SLC4A8: variants seen among roughly 807,000 people sequenced by gnomAD.
SLC4A8 encodes solute carrier family 4 member 8, also known as electroneutral sodium bicarbonate exchanger 1.
Under a neutral mutation model 125.0 loss-of-function variants are expected in SLC4A8, and 40 were observed. The observed-to-expected ratio is 0.32, with a 90% CI of 0.25 to 0.42. SLC4A8 has a LOEUF of 0.42. SLC4A8 is among the 10% of genes least tolerant of loss of function. SLC4A8 has a pLI of 1.00. For missense variants in SLC4A8, 863 were observed against 1,355.1 expected (o/e 0.64, Z 5.70); for synonymous variants, 456 against 476.0 (o/e 0.96, Z 0.55).
intron 1 of SLC4A8, among the ~76,000 whole-genome samples, chr12:51,405,417 G>A (rs1948466068): frequency 6.6e-6 from 1 of 152,180 alleles, no homozygotes. Context: ...TTAGGCTCAA[G>A]CCTGTTGATG....
chr12:51,415,837 C>T (rs554178066), intron 1 of SLC4A8, among the ~76,000 whole-genome samples: 2 of 146,430 alleles, frequency 1.4e-5, no homozygotes, highest in Non-Finnish European at 3.0e-5. Flanking sequence ...GGGTAATGGG[C>T]CTACTAGATG....
chr12:51,488,571 CTTT>C (rs10706140), intron 17 of SLC4A8, 125 bp from the exon 18 acceptor site: 1,858 of 504,268 alleles, frequency 3.7e-3, no homozygotes, highest in South Asian at 6.0e-3. Flanking sequence ...TATTTCATGC[CTTT>C]TTTTTTTTTT....
intron 22 of SLC4A8, among the ~76,000 whole-genome samples, chr12:51,503,254 T>A (rs1938010171): frequency 6.7e-6 from 1 of 150,280 alleles, no homozygotes; most frequent in Non-Finnish European, 1.5e-5. Context: ...AGACGGAGTC[T>A]CACCCTGTTG....
At chr12:51,435,252 A>G (rs541308797) in intron 1 of SLC4A8, among the ~76,000 whole-genome samples, 1 of 152,208 alleles carries the variant, frequency 6.6e-6, no homozygotes, top group African/African-American at 2.4e-5. Flanking sequence ...AATCAGTACA[A>G]TCCATTGGGG....
At chr12:51,425,119 C>A in intron 1 of SLC4A8, 84 bp downstream of exon 1, 1 of 1,489,448 alleles carries the variant, frequency 6.7e-7, no homozygotes. Flanking sequence ...CTTCTGCCCC[C>A]GAGCCCAGGC....
chr12:51,452,418 G>A (rs1949999184), intron 4 of SLC4A8, among the ~76,000 whole-genome samples, 159 bp downstream of exon 4: 2 of 152,166 alleles, frequency 1.3e-5, no homozygotes, highest in Admixed American at 6.5e-5. Flanking sequence ...TTTTGGTGTT[G>A]GCATCTTTAT....
intron 1 of SLC4A8, among the ~76,000 whole-genome samples, chr12:51,417,292 C>T (rs548043740): frequency 6.6e-6 from 1 of 152,194 alleles, no homozygotes; most frequent in South Asian, 2.1e-4. Flanking sequence ...CCTCCTGCCT[C>T]AGCCTTCTGA....
intron 19 of SLC4A8, 86 bp from the exon 20 acceptor site, chr12:51,493,618 T>C: frequency 6.8e-6 from 6 of 880,332 alleles, no homozygotes; most frequent in Non-Finnish European, 1.1e-5. Context: ...TTTGTTTCAT[T>C]CTTGGAGATT....
chr12:51,488,432 G>A (rs1592264782), intron 17 of SLC4A8, among the ~76,000 whole-genome samples: 2 of 152,110 alleles, frequency 1.3e-5, no homozygotes, highest in African/African-American at 4.8e-5. Flanking sequence ...TGCCAAGGGG[G>A]TTTCAGCAAG....
upstream of SLC4A8, among the ~76,000 whole-genome samples, chr12:51,424,186 A>C (rs568065743): frequency 3.3e-5 from 5 of 151,868 alleles, no homozygotes; most frequent in Non-Finnish European, 7.4e-5. Flanking sequence ...TGCATTATTC[A>C]TGATATTCTA....
chr12:51,492,563 A>G (rs1951345974), intron 19 of SLC4A8, among the ~76,000 whole-genome samples: 1 of 152,244 alleles, frequency 6.6e-6, no homozygotes. Context: ...TAGCTGCTTC[A>G]GGACAATTCT....
At chr12:51,485,432 T>G (rs1409719733) in intron 16 of SLC4A8, among the ~76,000 whole-genome samples, 2 of 151,780 alleles carry the variant, frequency 1.3e-5, no homozygotes, top group African/African-American at 4.8e-5. Flanking sequence ...AGAAGTGGAG[T>G]TGATGCTGCT....
chr12:51,424,037 C>CAAAAAAAAAAAAA (rs35611847), upstream of SLC4A8, among the ~76,000 whole-genome samples: 7 of 38,156 alleles, frequency 1.8e-4, no homozygotes, highest in Non-Finnish European at 2.3e-4. Flanking sequence ...ACTTCGTCTC[C>CAAAAAAAAAAAAA]AAAAAAAAAA....
At chr12:51,438,512 CT>C (rs1195881958) in intron 1 of SLC4A8, among the ~76,000 whole-genome samples, 2 of 152,136 alleles carry the variant, frequency 1.3e-5, no homozygotes, top group Non-Finnish European at 2.9e-5. Flanking sequence ...GCCATATTTT[CT>C]TTATCCATTC....
chr12:51,485,456 G>A (rs1430683976), intron 16 of SLC4A8, among the ~76,000 whole-genome samples: 1 of 152,098 alleles, frequency 6.6e-6, no homozygotes, highest in Non-Finnish European at 1.5e-5. Context: ...GAGGTTTTTG[G>A]CTAGCACTGA....
At chr12:51,428,559 C>T (rs760328901) in intron 1 of SLC4A8, among the ~76,000 whole-genome samples, 1 of 152,234 alleles carries the variant, frequency 6.6e-6, no homozygotes, top group Non-Finnish European at 1.5e-5. Flanking sequence ...CTTTCCCCTC[C>T]TCTCCGCCAA....
At chr12:51,451,127 T>C in intron 3 of SLC4A8, 105 bp downstream of exon 3, 1 of 999,032 alleles carries the variant, frequency 1.0e-6, no homozygotes, top group Admixed American at 3.8e-5. Flanking sequence ...CTTGAGCCTT[T>C]TTGTAGGATT....
chr12:51,420,127 ACGACAG>A (rs1249027451), upstream of SLC4A8: 3 of 152,192 alleles, frequency 2.0e-5, no homozygotes, highest in Admixed American at 2.0e-4. Flanking sequence ...ATGCTCCCAG[ACGACAG>A]CACGAACAAG....
intron 2 of SLC4A8, 74 bp from the exon 3 acceptor site, chr12:51,450,802 A>C: frequency 6.5e-7 from 1 of 1,527,350 alleles, no homozygotes; most frequent in Admixed American, 1.7e-5. Context: ...TCTCTTAACT[A>C]TGCTAGGCTT....
Sources: gnomAD v4.1 joint callset for allele counts (sites outside exome capture counted in the v4.1 genomes callset) on GRCh38, gnomAD v4.1.1 for gene constraint, MANE v1.5 for transcripts, NCBI Gene and HGNC (gene_info 2026-07-23, HGNC 2026-07-21) for gene names.